DUSP29: variants seen among roughly 807,000 people sequenced by gnomAD.
DUSP29 encodes the protein dual specificity phosphatase 29.
DUSP29 carries 12 observed loss-of-function variants against 13.5 expected under a neutral mutation model. The ratio of observed to expected loss-of-function variants is 0.89; its 90% CI spans 0.57 to 1.44. DUSP29 has a LOEUF of 1.44. Among genes scored for constraint, DUSP29 ranks in the 40% most tolerant of loss-of-function variants. DUSP29 has a pLI of 0.00. For missense variants in DUSP29, 308 were observed against 301.1 expected (o/e 1.02, Z -0.17); for synonymous variants, 134 against 128.7 (o/e 1.04, Z -0.28).
At chr10:75,061,638 G>T (rs1432620755) in intron 1 of DUSP29, among the ~76,000 whole-genome samples, 1 of 152,196 alleles carries the variant, frequency 6.6e-6, no homozygotes, top group Non-Finnish European at 1.5e-5. Context: ...TCAAGGGAAA[G>T]GTAGTGAGGG....
rs761929127 is a variant in DUSP29 at position 75,044,005 on chromosome 10, C to G, written c.213G>C (p.Leu71=). 6.2e-7 allele frequency: 1 copy of G among 1,610,186 alleles called. No homozygotes were observed. Among genetic ancestry groups the G allele is most frequent in the South Asian group, 1.1e-5 (1 of 90,974 alleles). ...CCGCCTTCTGCAGCCTATAGCGGTCCAGCGCCGTCGCCCTGGGCGCAGGGG... is the reference window on the plus strand; with the variant it reads ...CCGCCTTCTGCAGCCTATAGCGGTCGAGCGCCGTCGCCCTGGGCGCAGGGG... ...KLYIGDEATA[L]DRYRLQKAGF... Residue 71 remains leucine (L), a synonymous_variant, in exon 3 of 4, where the codon CTG becomes CTC. Transcript: ENST00000338487.
intron 1 of DUSP29, among the ~76,000 whole-genome samples, chr10:75,064,300 G>T (rs1275890196): frequency 6.6e-6 from 1 of 152,112 alleles, no homozygotes; most frequent in Non-Finnish European, 1.5e-5. Flanking sequence ...ACAGAGTCAA[G>T]AGATCGAGAC....
rs201258490 is a variant in DUSP29, at chr10:75,043,794, T to C, written c.421+3A>G. On this transcript the variant is annotated splice_donor_region_variant and intron_variant, in intron 3 of 3. Coordinates refer to ENST00000338487, the MANE Select transcript of DUSP29 (RefSeq NM_001003892.3). ...GATCGGGGCGGGGCCGCGGGTCTCT[T>C]ACTGTGGTCGTCGCTTAGCGCTCTG... 199 of 1,611,414 alleles carry C rather than the reference T, an allele frequency of 1.2e-4. 1 individual carries two copies. In the Middle Eastern group the frequency reaches 2.3e-3, roughly 18 times the overall value.
chr10:75,038,139 G>A, intron 3 of DUSP29, 62 bp from the exon 4 acceptor site: 1 of 1,563,376 alleles, frequency 6.4e-7, no homozygotes, highest in Non-Finnish European at 8.7e-7. Context: ...GGCACAGGTA[G>A]GGCCCACTCC....
rs1236883180 is a variant in DUSP29 at position 75,043,914 on chromosome 10, G to C, written c.304C>G (p.Arg102Gly). The change falls in exon 3 of 4, where the codon CGC becomes GGC. Residue 102 changes from arginine (R) to glycine (G), a missense_variant. Physicochemically the swap from Arg to Gly is moderately radical, Grantham distance 125. Coordinates refer to ENST00000338487, the MANE Select transcript of DUSP29 (RefSeq NM_001003892.3). ...CCGTGGTACTGGATGTCCATGTCGC[G>C]GTAGTAGTCGGGCCCAGTGTCCACG... ...WNVDTGPDYY[R>G]DMDIQYHGVE... 2 of 1,613,850 alleles carry C rather than the reference G, an allele frequency of 1.2e-6. No homozygotes were observed. Among genetic ancestry groups the C allele is most frequent in the African/African-American group, 1.3e-5 (1 of 74,940 alleles).
chr10:75,049,529 C>A (rs1242278519), intron 2 of DUSP29, among the ~76,000 whole-genome samples: 1 of 152,220 alleles, frequency 6.6e-6, no homozygotes, highest in Non-Finnish European at 1.5e-5. Context: ...GACCGTCTTG[C>A]CTGTGACTGC....
intron 2 of DUSP29, 81 bp from the exon 3 acceptor site, chr10:75,044,098 C>A: frequency 7.5e-7 from 1 of 1,336,936 alleles, no homozygotes; most frequent in Non-Finnish European, 1.0e-6. Context: ...CCACGCTTTC[C>A]GCTGTGGATT....
intron 3 of DUSP29, among the ~76,000 whole-genome samples, chr10:75,038,907 T>C (rs1589854764): frequency 6.6e-6 from 1 of 152,038 alleles, no homozygotes; most frequent in South Asian, 2.1e-4. Context: ...TCACTTGAGG[T>C]TGGGAGTTCA....
intron 2 of DUSP29, among the ~76,000 whole-genome samples, chr10:75,049,810 G>A (rs558264184): frequency 2.6e-5 from 4 of 151,860 alleles, no homozygotes; most frequent in African/African-American, 9.6e-5. Flanking sequence ...CAGCTGTGGC[G>A]ATGCCTCTGG....
chr10:75,051,055 A>G (rs1336316745), intron 2 of DUSP29, among the ~76,000 whole-genome samples: 1 of 152,210 alleles, frequency 6.6e-6, no homozygotes, highest in Admixed American at 6.5e-5. Flanking sequence ...CGCAGGCCCA[A>G]GGAACTTTGA....
chr10:75,037,891 T>A lies in DUSP29; in HGVS notation c.608A>T (p.Gln203Leu). The A allele has an allele frequency of 6.2e-7, 1 of 1,613,432 alleles. No individual in the cohort carries two copies. Among genetic ancestry groups the A allele is most frequent in the Non-Finnish European group, 8.5e-7 (1 of 1,179,896 alleles). Residue 203 changes from glutamine to leucine, a missense_variant, in exon 4 of 4, where the codon CAG becomes CTG. Gln to Leu is a moderately radical substitution (Grantham distance 113). Coordinates refer to ENST00000338487, the MANE Select transcript of DUSP29 (RefSeq NM_001003892.3). ...LRELDKQLVQQRRRSQRQDGE... is the reference protein window; with the variant it reads ...LRELDKQLVQLRRRSQRQDGE... ...GTCCTGGCGCTGGGACCGTCGCCTC[T>A]GCTGCACCAGCTGCTTGTCCAGCTC...
In DUSP29 at chr10:75,043,961, T is replaced by A. The variant is rs1463189418; in HGVS notation, c.257A>T (p.Asn86Ile). 15 of 1,613,356 alleles carry A rather than the reference T, an allele frequency of 9.3e-6. No individual in the cohort carries two copies. Among genetic ancestry groups the A allele is most frequent in the Non-Finnish European group, 1.2e-5 (14 of 1,179,914 alleles). The part of the protein sequence containing the change: ...LQKAGFTHVL[N>I]AAHGRWNVDT... The stretch of plus-strand genomic sequence containing the variant: ...CACGTTCCAGCGGCCGTGGGCCGCG[T>A]TCAGCACGTGCGTGAACCCCGCCTT... Residue 86 changes from asparagine (N) to isoleucine (I), a missense_variant, in exon 3 of 4, where the codon AAC becomes ATC. Asn to Ile is a moderately radical substitution (Grantham distance 149). Transcript: ENST00000338487.
At chr10:75,067,966 T>A (rs1278907344) in intron 1 of DUSP29, among the ~76,000 whole-genome samples, 2 of 151,918 alleles carry the variant, frequency 1.3e-5, no homozygotes, top group Non-Finnish European at 2.9e-5. Context: ...GCGCTCACCA[T>A]CCCGCCCAGC....
intron 2 of DUSP29, among the ~76,000 whole-genome samples, chr10:75,051,835 C>T (rs542578012): frequency 2.0e-5 from 3 of 152,392 alleles, no homozygotes; most frequent in African/African-American, 7.2e-5. Flanking sequence ...TGCCTGTTCA[C>T]AGCCCAGCTT....
Position 75,044,169 on chromosome 10 carries a change from G to A in DUSP29, c.201-152C>T, listed in dbSNP as rs1241976055. On this transcript the variant is annotated intron_variant, in intron 2 of 3. Transcript: ENST00000338487. ...AGTCCCAAAGCTCTGCTCTTACCCG[G>A]TCCCCTAGGCCACCTGCACTGTTTT... 8.0e-6 allele frequency: 6 copies of A among 754,590 alleles called. No homozygotes were observed. The African/African-American group carries it at 1.1e-4, about 13-fold the overall frequency. 46.7% of individuals were successfully genotyped at this position (754,590 alleles called of 1,614,324 possible).
intron 2 of DUSP29, 32 bp from the exon 3 acceptor site, chr10:75,044,049 G>A: frequency 1.9e-6 from 3 of 1,580,566 alleles, no homozygotes; most frequent in Non-Finnish European, 2.6e-6. Flanking sequence ...CTGTGGGCGC[G>A]CGGCGCCCTG....
chr10:75,068,236 TG>T (rs1424080836), intron 1 of DUSP29, among the ~76,000 whole-genome samples: 2 of 152,026 alleles, frequency 1.3e-5, no homozygotes, highest in Non-Finnish European at 2.9e-5. Flanking sequence ...TTTAAGAGGC[TG>T]AGGCGGGAGG....
chr10:75,065,438 C>T (rs536341804), intron 1 of DUSP29, among the ~76,000 whole-genome samples: 42 of 152,008 alleles, frequency 2.8e-4, no homozygotes, highest in African/African-American at 9.6e-4. Flanking sequence ...AAGCGATTCT[C>T]CTGCCTCAGC....
At chr10:75,058,122 G>C (rs1847002475) in intron 2 of DUSP29, among the ~76,000 whole-genome samples, 193 bp downstream of exon 2, 1 of 152,252 alleles carries the variant, frequency 6.6e-6, no homozygotes, top group South Asian at 2.1e-4. Context: ...ATATGTGAGA[G>C]AGAAATAAAC....
Sources: allele counts gnomAD v4.1 joint callset (sites outside exome capture counted in the v4.1 genomes callset), GRCh38; gene constraint gnomAD v4.1.1; transcripts MANE v1.5; gene names NCBI Gene and HGNC (gene_info 2026-07-23, HGNC 2026-07-21).